Variants in INSC observed in about 807,000 individuals in gnomAD.
INSC encodes protein inscuteable homolog.
INSC carries 67 observed loss-of-function variants against 58.6 expected under a neutral mutation model. The ratio of observed to expected loss-of-function variants is 1.14; its 90% CI spans 0.94 to 1.40. The LOEUF (loss-of-function observed/expected upper bound fraction) is 1.40. INSC is among the 40% of genes most tolerant of loss of function. The pLI, the probability that INSC is intolerant of heterozygous loss-of-function variation, is 0.00. For synonymous variants in INSC, 262 were observed against 276.1 expected (o/e 0.95, Z 0.51); for missense variants, 714 against 692.0 (o/e 1.03, Z -0.36).
At chr11:15,201,006 C>A in intron 7 of INSC, 57 bp downstream of exon 7, 1 of 1,544,290 alleles carries the variant, frequency 6.5e-7, no homozygotes, top group South Asian at 1.2e-5. Context: ...GGGGTGAGGT[C>A]CAGGCCTCAT....
chr11:15,140,226 G>A (rs867150889), intron 1 of INSC, among the ~76,000 whole-genome samples: 45 of 152,172 alleles, frequency 3.0e-4, no homozygotes, highest in African/African-American at 1.0e-3. Flanking sequence ...GGGGACTCAT[G>A]GGCACTTCTG....
At chr11:15,251,477 G>A (rs1852648966), downstream of INSC, among the ~76,000 whole-genome samples, 3 of 152,166 alleles carry the variant, frequency 2.0e-5, no homozygotes, top group South Asian at 2.1e-4. Flanking sequence ...GGCAACTCAT[G>A]GAATAGGCAA....
At chr11:15,267,538 A>G in the INSC span, among the ~76,000 whole-genome samples, 701 of 152,044 alleles carry the variant, frequency 4.6e-3, 3 homozygotes, top group African/African-American at 0.016. Flanking sequence ...GCTATCTAAT[A>G]TACTCTCATC....
downstream of INSC, among the ~76,000 whole-genome samples, chr11:15,250,978 A>G (rs1852644108): frequency 6.6e-6 from 1 of 152,242 alleles, no homozygotes; most frequent in Non-Finnish European, 1.5e-5. Context: ...AAGGCTTGCA[A>G]TAATCCAAGA....
At chr11:15,112,196 G>A (rs1847585744), upstream of INSC, among the ~76,000 whole-genome samples, 1 of 152,212 alleles carries the variant, frequency 6.6e-6, no homozygotes, top group African/African-American at 2.4e-5. Flanking sequence ...GAGCCAGCTA[G>A]GGCCGGCGCC....
chr11:15,213,534 C>G lies in INSC; in HGVS notation c.820-7943C>G, dbSNP rs1043047026. Among the ~76,000 whole-genome samples the G allele has an allele frequency of 1.3e-5, 2 of 152,158 alleles. 1 individual carries two copies. Among genetic ancestry groups the G allele is most frequent in the South Asian group, 4.1e-4 (2 of 4,826 alleles). ...CCCTAGCCCAAAGGGAAATCCACCC[C>G]CAAAGCACCTTCAGAGCATCTGTTT... On this transcript the variant is annotated intron_variant, in intron 7 of 12. Coordinates refer to ENST00000379556, the MANE Select transcript of INSC (RefSeq NM_001042536.3).
rs528206929 is a variant in INSC at position 15,207,499 on chromosome 11, C to T, written c.819+6550C>T. Among the ~76,000 whole-genome samples, 29 of 152,188 alleles carry T rather than the reference C, an allele frequency of 1.9e-4. No individual in the cohort carries two copies. In the South Asian group the frequency reaches 5.8e-3, roughly 30 times the overall value. On this transcript the variant is annotated intron_variant, in intron 7 of 12. Transcript: ENST00000379556. ...CCTGTCTCCATGCAGCTCCTTCACG[C>T]CCCACCCTCATTTCCTGGGGCAGCT...
At chr11:15,190,871 A>G in intron 6 of INSC, 57 bp downstream of exon 6, 1 of 1,196,986 alleles carries the variant, frequency 8.4e-7, no homozygotes, top group Non-Finnish European at 1.2e-6. Flanking sequence ...GAGGAAGCTC[A>G]CTTGTTCAAT....
In INSC at chr11:15,236,297, G is replaced by T. The variant is rs74512149; in HGVS notation, c.1237+629G>T. On this transcript the variant is annotated intron_variant, in intron 10 of 12. Coordinates refer to ENST00000379556, the MANE Select transcript of INSC (RefSeq NM_001042536.3). ...AGAAGAGTAAGGTAGTCTCAGGGTG[G>T]GGGGGTGGTGGTTGCTATTTTAATA... Among the ~76,000 whole-genome samples the T allele has an allele frequency of 0.011, 1,744 of 152,048 alleles. 129 individuals are homozygous for T. In the East Asian group the frequency reaches 0.21, roughly 18 times the overall value.
chr11:15,207,039 G>T (rs1850829848), intron 7 of INSC, among the ~76,000 whole-genome samples: 1 of 152,182 alleles, frequency 6.6e-6, no homozygotes, highest in South Asian at 2.1e-4. Flanking sequence ...TGCTGGTTCA[G>T]GGATTGATTG....
At chr11:15,212,078 T>A (rs1851047439) in intron 7 of INSC, among the ~76,000 whole-genome samples, 1 of 152,186 alleles carries the variant, frequency 6.6e-6, no homozygotes, top group Admixed American at 6.5e-5. Flanking sequence ...TTGGGGTTTT[T>A]AAAAATTTAA....
chr11:15,214,586 G>A (rs1851145096), intron 7 of INSC, among the ~76,000 whole-genome samples: 1 of 152,204 alleles, frequency 6.6e-6, no homozygotes, highest in Non-Finnish European at 1.5e-5. Flanking sequence ...ATCAGTAGGA[G>A]AATGTTGCCC....
At chr11:15,220,886 A>G (rs538590962) in intron 7 of INSC, among the ~76,000 whole-genome samples, 1 of 152,346 alleles carries the variant, frequency 6.6e-6, no homozygotes, top group South Asian at 2.1e-4. Context: ...AAGCAGCCCC[A>G]TTTCTATAGT....
intron 2 of INSC, among the ~76,000 whole-genome samples, chr11:15,159,600 C>G (rs1379881600): frequency 2.6e-5 from 4 of 152,212 alleles, no homozygotes; most frequent in African/African-American, 9.7e-5. Flanking sequence ...GACATTGGAA[C>G]AGAGCACAGC....
chr11:15,165,910 T>C (rs1540162), intron 2 of INSC, among the ~76,000 whole-genome samples: 2 of 152,094 alleles, frequency 1.3e-5, no homozygotes, highest in South Asian at 2.1e-4. Context: ...CTCTGGGGAC[T>C]CTTAGATGCA....
At chr11:15,130,922 TC>T (rs1225916701) in intron 1 of INSC, among the ~76,000 whole-genome samples, 2 of 152,046 alleles carry the variant, frequency 1.3e-5, no homozygotes, top group African/African-American at 2.4e-5. Flanking sequence ...TCTGATTTTT[TC>T]CAGATCTTGC....
chr11:15,148,377 C>T (rs904016066), intron 1 of INSC, among the ~76,000 whole-genome samples: 3 of 152,210 alleles, frequency 2.0e-5, no homozygotes, highest in African/African-American at 7.2e-5. Flanking sequence ...TGTTCTCCAG[C>T]TAGTGCTGCT....
chr11:15,258,451 T>A, the INSC span, among the ~76,000 whole-genome samples: 1 of 152,214 alleles, frequency 6.6e-6, no homozygotes, highest in Non-Finnish European at 1.5e-5. Context: ...TGTGACTGCA[T>A]CGCTCATCCA....
the INSC span, among the ~76,000 whole-genome samples, chr11:15,263,317 C>A: frequency 3.9e-5 from 6 of 152,206 alleles, no homozygotes; most frequent in East Asian, 1.2e-3. Flanking sequence ...GGCTCAAAAA[C>A]TTCCAACTTT....
Sources: allele counts gnomAD v4.1 joint callset (sites outside exome capture counted in the v4.1 genomes callset), GRCh38; gene constraint gnomAD v4.1.1; transcripts MANE v1.5; gene names NCBI Gene and HGNC (gene_info 2026-07-23, HGNC 2026-07-21).